Variants in ADAMTSL1 observed in about 807,000 individuals in gnomAD.
ADAMTSL1 encodes ADAMTS like 1.
Under a neutral mutation model 201.8 loss-of-function variants are expected in ADAMTSL1, and 126 were observed. The observed-to-expected ratio is 0.62, with a 90% CI of 0.54 to 0.72. ADAMTSL1 has a LOEUF of 0.72. Ranked by LOEUF, ADAMTSL1 falls within the 30% of genes least tolerant of loss-of-function variation. The pLI, the probability that ADAMTSL1 is intolerant of heterozygous loss-of-function variation, is 0.00. For missense variants in ADAMTSL1, 2,679 were observed against 2,277.8 expected (o/e 1.18, Z -3.59); for synonymous variants, 1,121 against 903.4 (o/e 1.24, Z -4.32).
chr9:18,517,132 C>G (rs1295243648), intron 2 of ADAMTSL1, among the ~76,000 whole-genome samples: 1 of 152,144 alleles, frequency 6.6e-6, no homozygotes, highest in Non-Finnish European at 1.5e-5. Context: ...TTCTTTGCCT[C>G]TTTTGGCTAC....
chr9:18,087,339 A>G (rs905694556), intron 1 of ADAMTSL1, among the ~76,000 whole-genome samples: 1 of 152,140 alleles, frequency 6.6e-6, no homozygotes, highest in African/African-American at 2.4e-5. Flanking sequence ...TTCATTTTTA[A>G]AGCAATTAAG....
chr9:18,256,292 G>C (rs1815026965), intron 2 of ADAMTSL1, among the ~76,000 whole-genome samples: 1 of 152,192 alleles, frequency 6.6e-6, no homozygotes, highest in Non-Finnish European at 1.5e-5. Flanking sequence ...AGCATGAGAA[G>C]TTTGACAAAG....
At chr9:18,784,889 G>A (rs959919339) in intron 19 of ADAMTSL1, among the ~76,000 whole-genome samples, 1 of 152,180 alleles carries the variant, frequency 6.6e-6, no homozygotes, top group African/African-American at 2.4e-5. Flanking sequence ...GCTGGGGTGA[G>A]GCGCGGTGGC....
chr9:18,325,253 A>G (rs1303234922), intron 2 of ADAMTSL1, among the ~76,000 whole-genome samples: 3 of 152,218 alleles, frequency 2.0e-5, no homozygotes, highest in Non-Finnish European at 4.4e-5. Context: ...TACCTAAGGG[A>G]GATGAAAACA....
rs1172007984 is a variant in ADAMTSL1, at chr9:18,828,659, T to TA, written c.4115-1184_4115-1183insA. ...TGAAAAGGATTCTTTTGAAAGTATA[T>TA]TTATATATATATATATATATATATA... On this transcript the variant is annotated intron_variant, in intron 22 of 28. Transcript: ENST00000380548. 4.6e-3 allele frequency among the ~76,000 whole-genome samples: 80 copies of TA among 17,346 alleles called. 1 individual carries two copies. The highest frequency in any genetic ancestry group is 8.3e-3 in the South Asian group (3 of 360). 11.4% of individuals were successfully genotyped at this position (17,346 alleles called of 152,430 possible). A position where few individuals can be genotyped will look rare whatever the true frequency, so the allele number is the denominator to read the frequency against.
At chr9:17,973,881 A>G (rs1008393596) in intron 1 of ADAMTSL1, among the ~76,000 whole-genome samples, 79 of 150,056 alleles carry the variant, frequency 5.3e-4, no homozygotes, top group African/African-American at 1.7e-3. Flanking sequence ...GGTCCTTCAC[A>G]TCCCTTGTAA....
chr9:18,405,084 C>T (rs1417525855), intron 2 of ADAMTSL1, among the ~76,000 whole-genome samples: 1 of 152,112 alleles, frequency 6.6e-6, no homozygotes, highest in Non-Finnish European at 1.5e-5. Flanking sequence ...TGTTTGTCTC[C>T]CTCCAGCCTC....
chr9:18,093,941 G>A (rs555169004), intron 1 of ADAMTSL1, among the ~76,000 whole-genome samples: 1 of 152,214 alleles, frequency 6.6e-6, no homozygotes, highest in South Asian at 2.1e-4. Context: ...AAAAGAGGCA[G>A]GTCATTATAA....
At chr9:18,778,592 G>A (rs1160727190) in intron 19 of ADAMTSL1, among the ~76,000 whole-genome samples, 1 of 152,144 alleles carries the variant, frequency 6.6e-6, no homozygotes, top group African/African-American at 2.4e-5. Flanking sequence ...ACCGCTACCT[G>A]TGCCTTACTT....
intron 1 of ADAMTSL1, among the ~76,000 whole-genome samples, chr9:17,983,619 A>T (rs7860375): frequency 0.038 from 5,791 of 152,262 alleles, 356 homozygotes; most frequent in African/African-American, 0.13. Flanking sequence ...TGTGATTTCA[A>T]TTTAAAATGT....
At chr9:18,261,650 A>C (rs1020281375) in intron 2 of ADAMTSL1, among the ~76,000 whole-genome samples, 56 of 152,326 alleles carry the variant, frequency 3.7e-4, no homozygotes, top group African/African-American at 1.3e-3. Flanking sequence ...CTATAGACCA[A>C]AGTCTGTCAT....
intron 2 of ADAMTSL1, among the ~76,000 whole-genome samples, chr9:18,369,593 G>C (rs1836948449): frequency 6.6e-6 from 1 of 152,080 alleles, no homozygotes; most frequent in Admixed American, 6.6e-5. Context: ...ACTAAAAATA[G>C]AACTACCATT....
At chr9:18,114,392 G>A (rs1413038039) in intron 1 of ADAMTSL1, among the ~76,000 whole-genome samples, 11 of 152,102 alleles carry the variant, frequency 7.2e-5, no homozygotes, top group Admixed American at 6.6e-4. Flanking sequence ...TATACCATGT[G>A]AGGAAATTTA....
rs199765286 is a variant in ADAMTSL1, at chr9:18,684,704, C to A, written c.1490-12C>A. On this transcript the variant is annotated splice_polypyrimidine_tract_variant and intron_variant, in intron 12 of 28. Transcript: ENST00000380548. ...ACCTCTTCTTTTGTATGTGCATGCA[C>A]TGAATTCTCAGAGAAACTTCCAGTC... The A allele has an allele frequency of 3.1e-6, 5 of 1,611,696 alleles. No individual in the cohort carries two copies. Among genetic ancestry groups the A allele is most frequent in the South Asian group, 1.1e-5 (1 of 90,116 alleles).
intron 2 of ADAMTSL1, among the ~76,000 whole-genome samples, chr9:18,372,766 G>A (rs1837103231): frequency 6.6e-6 from 1 of 152,096 alleles, no homozygotes; most frequent in South Asian, 2.1e-4. Flanking sequence ...TTACATGTGG[G>A]GCTCTCTAAA....
intron 1 of ADAMTSL1, among the ~76,000 whole-genome samples, chr9:18,025,648 ACTGTGGC>A (rs1245386530): frequency 6.6e-6 from 1 of 152,116 alleles, no homozygotes; most frequent in Non-Finnish European, 1.5e-5. Flanking sequence ...TGTTTTGGTT[ACTGTGGC>A]CTTGTGATAT....
At chr9:17,909,846 G>A (rs1300733410) in intron 1 of ADAMTSL1, among the ~76,000 whole-genome samples, 2 of 67,584 alleles carry the variant, frequency 3.0e-5, no homozygotes, top group African/African-American at 6.0e-5. Context: ...TGGGGGGACC[G>A]GGGAGGGATA....
intron 7 of ADAMTSL1, among the ~76,000 whole-genome samples, chr9:18,645,621 C>T (rs190876626): frequency 6.6e-6 from 1 of 151,790 alleles, no homozygotes; most frequent in Non-Finnish European, 1.5e-5. Context: ...AGCCAGTTTT[C>T]CCAGCACCAT....
At chr9:18,228,359 A>T (rs1830508223) in intron 2 of ADAMTSL1, among the ~76,000 whole-genome samples, 1 of 152,116 alleles carries the variant, frequency 6.6e-6, no homozygotes, top group Admixed American at 6.6e-5. Context: ...ATTTTGGCCA[A>T]ATCCTCTCAT....
Sources: allele counts gnomAD v4.1 joint callset (sites outside exome capture counted in the v4.1 genomes callset), GRCh38; gene constraint gnomAD v4.1.1; transcripts MANE v1.5; gene names NCBI Gene and HGNC (gene_info 2026-07-23, HGNC 2026-07-21).